DLGAP4: variants seen among roughly 807,000 people sequenced by gnomAD.
The protein encoded by DLGAP4 is DLG associated protein 4.
Under a neutral mutation model 86.9 loss-of-function variants are expected in DLGAP4, and 18 were observed. That is an observed-to-expected ratio of 0.21 (90% CI 0.14 to 0.31). The LOEUF (loss-of-function observed/expected upper bound fraction) is 0.31. Ranked by LOEUF, DLGAP4 falls within the 10% of genes least tolerant of loss-of-function variation. DLGAP4 has a pLI of 1.00. For missense variants in DLGAP4, 1,085 were observed against 1,362.6 expected (o/e 0.80, Z 3.21); for synonymous variants, 548 against 574.3 (o/e 0.95, Z 0.65).
At position 36,323,175 on chromosome 20, in the gene DLGAP4, C is replaced by CAAAA. The variant is rs1164348704; in HGVS notation, c.-304+16688_-304+16691dup. On this transcript the variant is annotated intron_variant, in intron 1 of 12. Transcript: ENST00000339266. ...CTGGAGTGACACAGAGACCCTATCTCAAAAAAAAAAAAAAAAAAAAAAAAA... is the reference window on the plus strand; with the variant it reads ...CTGGAGTGACACAGAGACCCTATCTCAAAAAAAAAAAAAAAAAAAAAAAAAAAAA... Among the ~76,000 whole-genome samples the CAAAA allele has an allele frequency of 3.1e-3, 111 of 35,400 alleles. 6 individuals are homozygous for CAAAA. Among genetic ancestry groups the CAAAA allele is most frequent in the African/African-American group, 6.8e-3 (105 of 15,368 alleles). The allele number at this position is 35,400 out of a possible 152,430, so 23.2% of individuals were successfully genotyped here.
chr20:36,502,133 C>A (rs561644805), intron 10 of DLGAP4, among the ~76,000 whole-genome samples: 3 of 152,282 alleles, frequency 2.0e-5, no homozygotes, highest in Middle Eastern at 3.4e-3. Flanking sequence ...AGCTCTCACA[C>A]AACCTCTGTC....
At chr20:36,326,996 C>CTTTTTTTTT (rs377378667) in intron 1 of DLGAP4, among the ~76,000 whole-genome samples, 2 of 99,478 alleles carry the variant, frequency 2.0e-5, no homozygotes, top group African/African-American at 4.5e-5. Context: ...AAGATTTTCT[C>CTTTTTTTTT]TTTTTTTTTT....
intron 2 of DLGAP4, among the ~76,000 whole-genome samples, chr20:36,419,970 A>G (rs1421555980): frequency 1.3e-5 from 2 of 151,914 alleles, no homozygotes; most frequent in Non-Finnish European, 2.9e-5. Flanking sequence ...GGTGGATGCA[A>G]TATTCCCAGC....
At chr20:36,369,609 A>C (rs769106448) in intron 2 of DLGAP4, among the ~76,000 whole-genome samples, 1 of 152,128 alleles carries the variant, frequency 6.6e-6, no homozygotes, top group Non-Finnish European at 1.5e-5. Flanking sequence ...TAGTAATGGC[A>C]CCATAAAGGC....
intron 7 of DLGAP4, chr20:36,462,185 G>C: frequency 1.9e-6 from 2 of 1,062,372 alleles, no homozygotes; most frequent in Non-Finnish European, 1.1e-6. Flanking sequence ...TCCCAAGTTG[G>C]GGTCTTTCTC....
At chr20:36,449,272 A>C (rs1213161652) in intron 7 of DLGAP4, among the ~76,000 whole-genome samples, 2 of 152,174 alleles carry the variant, frequency 1.3e-5, no homozygotes, top group African/African-American at 4.8e-5. Flanking sequence ...CTGCTAGGGC[A>C]CCTGGCCCTG....
chr20:36,383,702 G>A (rs983044253), intron 2 of DLGAP4, among the ~76,000 whole-genome samples: 1 of 151,944 alleles, frequency 6.6e-6, no homozygotes, highest in Non-Finnish European at 1.5e-5. Flanking sequence ...AAGGCCGGGC[G>A]CAGTGGCTCA....
intron 7 of DLGAP4, among the ~76,000 whole-genome samples, chr20:36,464,178 G>A (rs1481912457): frequency 2.6e-5 from 4 of 152,146 alleles, no homozygotes; most frequent in Admixed American, 2.6e-4. Context: ...CCACTTTTAG[G>A]GATGTCACTT....
intron 7 of DLGAP4, chr20:36,473,315 C>G (rs1405442103): frequency 2.0e-5 from 3 of 152,252 alleles, no homozygotes; most frequent in Non-Finnish European, 4.4e-5. Context: ...GCTGGCTTCT[C>G]ACCATTTTAT....
chr20:36,391,991 G>A (rs779834829), intron 2 of DLGAP4, among the ~76,000 whole-genome samples: 16 of 152,372 alleles, frequency 1.1e-4, no homozygotes, highest in African/African-American at 2.2e-4. Flanking sequence ...AGGCTTCTGG[G>A]AGTATCCTTA....
chr20:36,526,065 G>A (rs759193970), intron 12 of DLGAP4, 59 bp downstream of exon 12: 2 of 1,611,234 alleles, frequency 1.2e-6, no homozygotes, highest in Non-Finnish European at 1.7e-6. Context: ...CGGCAATAAC[G>A]CTGCCCACAT....
chr20:36,334,532 G>A (rs1051680033), intron 1 of DLGAP4, among the ~76,000 whole-genome samples: 10 of 152,186 alleles, frequency 6.6e-5, no homozygotes, highest in African/African-American at 1.4e-4. Flanking sequence ...CAGGGGCCCA[G>A]GTGGCCATGG....
At chr20:36,427,220 T>C (rs1164544731) in intron 2 of DLGAP4, among the ~76,000 whole-genome samples, 1 of 152,132 alleles carries the variant, frequency 6.6e-6, no homozygotes, top group Non-Finnish European at 1.5e-5. Context: ...GGCTCATGCC[T>C]GTAATCTCAA....
intron 7 of DLGAP4, among the ~76,000 whole-genome samples, chr20:36,487,618 C>G (rs1280393396): frequency 6.6e-6 from 1 of 152,192 alleles, no homozygotes; most frequent in African/African-American, 2.4e-5. Context: ...CCGCCCTGCT[C>G]CTTTGCTCAC....
chr20:36,324,186 G>A (rs755211689), intron 1 of DLGAP4, among the ~76,000 whole-genome samples: 40 of 152,126 alleles, frequency 2.6e-4, no homozygotes, highest in Non-Finnish European at 4.7e-4. Context: ...CAGTACTTTG[G>A]GAGGCTGAGA....
At chr20:36,407,831 G>A (rs950853820) in intron 2 of DLGAP4, among the ~76,000 whole-genome samples, 10 of 152,108 alleles carry the variant, frequency 6.6e-5, no homozygotes, top group South Asian at 4.1e-4. Flanking sequence ...AGATGCTACC[G>A]CAGAAGTAGG....
rs780460003 is a variant in DLGAP4, at chr20:36,436,378, C to T, written c.1241+28C>T. On this transcript the variant is annotated intron_variant, in intron 4 of 12. Coordinates refer to ENST00000339266, the MANE Select transcript of DLGAP4 (RefSeq NM_001365621.2). ...AGGCGCGCAGCTCCACCCTTACGGTCCCGCCCAGAGGCAAGCCCCGCCCAC... is the reference window on the plus strand; with the variant it reads ...AGGCGCGCAGCTCCACCCTTACGGTTCCGCCCAGAGGCAAGCCCCGCCCAC... The T allele has an allele frequency of 1.3e-5, 21 of 1,563,534 alleles. No individual in the cohort carries two copies. The African/African-American group carries it at 2.6e-4, about 19-fold the overall frequency.
At chr20:36,388,624 A>C (rs2031683088) in intron 2 of DLGAP4, among the ~76,000 whole-genome samples, 1 of 152,220 alleles carries the variant, frequency 6.6e-6, no homozygotes, top group Non-Finnish European at 1.5e-5. Flanking sequence ...ATTCCTGCTC[A>C]CTTACCTATT....
At chr20:36,358,145 C>T (rs1310140200) in intron 1 of DLGAP4, among the ~76,000 whole-genome samples, 1 of 152,176 alleles carries the variant, frequency 6.6e-6, no homozygotes, top group Non-Finnish European at 1.5e-5. Context: ...GGAAGTGAAT[C>T]CAGGACACAG....
Sources: gnomAD v4.1 joint callset for allele counts (sites outside exome capture counted in the v4.1 genomes callset) on GRCh38, gnomAD v4.1.1 for gene constraint, MANE v1.5 for transcripts, NCBI Gene and HGNC (gene_info 2026-07-23, HGNC 2026-07-21) for gene names.